Variants in PKNOX2 observed in about 807,000 individuals in gnomAD.
The protein encoded by PKNOX2 is PBX/knotted 1 homeobox 2, also known as homeobox protein PKNOX2.
In PKNOX2, 14 loss-of-function variants were observed where a neutral mutation model predicts 53.1. That is an observed-to-expected ratio of 0.26 (90% CI 0.17 to 0.41). The LOEUF (loss-of-function observed/expected upper bound fraction) is 0.41, where lower values mean the gene tolerates loss of function less well. Among genes scored for constraint, PKNOX2 ranks in the 10% least tolerant of loss-of-function variants. The pLI, the probability that PKNOX2 is intolerant of heterozygous loss-of-function variation, is 1.00. For synonymous variants in PKNOX2, 257 were observed against 242.8 expected (o/e 1.06, Z -0.54); for missense variants, 496 against 602.8 (o/e 0.82, Z 1.85).
chr11:125,233,666 C>T (rs1942423606), intron 1 of PKNOX2, among the ~76,000 whole-genome samples: 1 of 152,184 alleles, frequency 6.6e-6, no homozygotes, highest in Admixed American at 6.5e-5. Flanking sequence ...AAGGAGACAG[C>T]CCCTGAGGAA....
At chr11:125,175,866 A>G (rs562997729) in intron 1 of PKNOX2, among the ~76,000 whole-genome samples, 2 of 152,352 alleles carry the variant, frequency 1.3e-5, no homozygotes, top group African/African-American at 4.8e-5. Context: ...TACATGTTGT[A>G]TAAACATAAA....
rs1443467614 is a variant in PKNOX2 at position 125,370,589 on chromosome 11, G to C, written c.227+2604G>C. ...AAACGCGGCTGCCCCAGCACCTCAG[G>C]ACACCGAGCTGACAGCAGCACCATG... On this transcript the variant is annotated intron_variant, in intron 5 of 12. Transcript: ENST00000298282. The surrounding 1 kb of genome is among the most constrained non-coding windows in gnomAD (Gnocchi z 4.1). 1.3e-5 allele frequency among the ~76,000 whole-genome samples: 2 copies of C among 152,186 alleles called. No homozygotes were observed. The highest frequency in any genetic ancestry group is 4.8e-5 in the African/African-American group (2 of 41,440).
At position 125,369,660 on chromosome 11, in the gene PKNOX2, A is replaced by G. The variant is rs115774224; in HGVS notation, c.227+1675A>G. ...TAAAGGTTGAGTAACAGACCCCACT[A>G]GGTGGAGAAATGGGGTAGGAGAGGA... On this transcript the variant is annotated intron_variant, in intron 5 of 12. Transcript: ENST00000298282. Among the ~76,000 whole-genome samples the G allele has an allele frequency of 8.0e-3, 1,212 of 152,278 alleles. 13 individuals carry two copies. The highest frequency in any genetic ancestry group is 0.028 in the African/African-American group (1,163 of 41,566).
intron 1 of PKNOX2, among the ~76,000 whole-genome samples, chr11:125,186,511 G>A (rs887308795): frequency 6.6e-6 from 1 of 152,110 alleles, no homozygotes; most frequent in Non-Finnish European, 1.5e-5. Flanking sequence ...AATTAGCTGG[G>A]CACAGTGGCA....
intron 1 of PKNOX2, among the ~76,000 whole-genome samples, chr11:125,196,625 T>G (rs1286486334): frequency 2.0e-5 from 3 of 152,218 alleles, no homozygotes; most frequent in Non-Finnish European, 4.4e-5. Flanking sequence ...AAGCCAAACC[T>G]GGGTCAAACC....
At chr11:125,238,288 T>C (rs1177216780) in intron 2 of PKNOX2, among the ~76,000 whole-genome samples, 1 of 152,146 alleles carries the variant, frequency 6.6e-6, no homozygotes, top group Non-Finnish European at 1.5e-5. Context: ...TGAGTGGACT[T>C]GGTCTTGATA....
In PKNOX2 at chr11:125,166,002, G is replaced by A. The variant is rs1370287219; in HGVS notation, c.-201+1226G>A. Among the ~76,000 whole-genome samples the A allele has an allele frequency of 2.0e-5, 3 of 152,140 alleles. No homozygotes were observed. Among genetic ancestry groups the A allele is most frequent in the Non-Finnish European group, 4.4e-5 (3 of 68,024 alleles). On this transcript the variant is annotated intron_variant, in intron 1 of 12. Coordinates refer to ENST00000298282, the MANE Select transcript of PKNOX2 (RefSeq NM_001382323.2). The surrounding 1 kb of genome is among the most constrained non-coding windows in gnomAD (Gnocchi z 4.0). ...GGGTTTCCGCGCGGTGGGGAGACTCGGGTTGGGAATTGAGGGGTAGGGGCT... is the reference window on the plus strand; with the variant it reads ...GGGTTTCCGCGCGGTGGGGAGACTCAGGTTGGGAATTGAGGGGTAGGGGCT...
At chr11:125,203,524 G>A (rs1187220112) in intron 1 of PKNOX2, among the ~76,000 whole-genome samples, 2 of 152,186 alleles carry the variant, frequency 1.3e-5, no homozygotes, top group African/African-American at 4.8e-5. Context: ...CCAGGCAATG[G>A]GCAGAGCTGT....
intron 1 of PKNOX2, among the ~76,000 whole-genome samples, chr11:125,232,603 C>T (rs905802656): frequency 7.9e-5 from 12 of 152,364 alleles, no homozygotes; most frequent in African/African-American, 2.9e-4. Flanking sequence ...CATCTTCTCT[C>T]TCCTCTCTTT....
At chr11:125,359,169 G>T (rs1376285198) in intron 4 of PKNOX2, among the ~76,000 whole-genome samples, 2 of 139,074 alleles carry the variant, frequency 1.4e-5, no homozygotes, top group Non-Finnish European at 3.1e-5. Context: ...GTGCGCTCAG[G>T]CAACCAAGGG....
chr11:125,284,278 C>T (rs1156488150), intron 2 of PKNOX2, among the ~76,000 whole-genome samples: 1 of 152,208 alleles, frequency 6.6e-6, no homozygotes, highest in Non-Finnish European at 1.5e-5. Context: ...CCCACTAGGG[C>T]AGTAGGAGGG....
intron 2 of PKNOX2, among the ~76,000 whole-genome samples, chr11:125,308,891 A>C (rs1948625579): frequency 6.6e-6 from 1 of 152,198 alleles, no homozygotes; most frequent in Non-Finnish European, 1.5e-5. Flanking sequence ...CATCTTCTGC[A>C]TGGTAGTTCT....
At chr11:125,197,124 C>T (rs926007584) in intron 1 of PKNOX2, among the ~76,000 whole-genome samples, 5 of 152,238 alleles carry the variant, frequency 3.3e-5, no homozygotes, top group Admixed American at 3.3e-4. Flanking sequence ...AGCCGGGACC[C>T]CTGCTTCTCT....
intron 2 of PKNOX2, among the ~76,000 whole-genome samples, chr11:125,297,375 T>C (rs537739948): frequency 4.3e-4 from 66 of 152,312 alleles, no homozygotes; most frequent in African/African-American, 1.5e-3. Flanking sequence ...GATCTACAAT[T>C]GAATAGAAAA....
rs1211121120 is a variant in PKNOX2, at chr11:125,165,031, C to T, written c.-201+255C>T. Among the ~76,000 whole-genome samples, 2 of 151,094 alleles carry T rather than the reference C, an allele frequency of 1.3e-5. No homozygotes were observed. The highest frequency in any genetic ancestry group is 2.0e-4 in the East Asian group (1 of 5,050). Reference sequence around the variant, plus strand: ...GACGGCGGGAGCGTGCAGAGAGAAGCTGGGGAAGCGCCGGGAGAGCGCGGA... The same window carrying T: ...GACGGCGGGAGCGTGCAGAGAGAAGTTGGGGAAGCGCCGGGAGAGCGCGGA... On this transcript the variant is annotated intron_variant, in intron 1 of 12. Coordinates refer to ENST00000298282, the MANE Select transcript of PKNOX2 (RefSeq NM_001382323.2). The surrounding 1 kb of genome is among the most constrained non-coding windows in gnomAD (Gnocchi z 4.5).
chr11:125,321,476 C>T (rs562667987), intron 2 of PKNOX2, among the ~76,000 whole-genome samples: 8 of 152,302 alleles, frequency 5.3e-5, no homozygotes, highest in South Asian at 2.1e-4. Context: ...AAATAGTTGT[C>T]CTACTGTATT....
chr11:125,177,515 A>T (rs1955790255), intron 1 of PKNOX2, among the ~76,000 whole-genome samples: 1 of 152,188 alleles, frequency 6.6e-6, no homozygotes, highest in South Asian at 2.1e-4. Flanking sequence ...GCAACTTCTT[A>T]ACCTGTCTGA....
intron 4 of PKNOX2, among the ~76,000 whole-genome samples, chr11:125,361,705 AC>A (rs1362377930): frequency 2.0e-5 from 3 of 152,112 alleles, no homozygotes; most frequent in Admixed American, 6.5e-5. Context: ...ATGCTATCCC[AC>A]CCCATCTTTT....
chr11:125,180,881 G>A (rs1439737858), intron 1 of PKNOX2, among the ~76,000 whole-genome samples: 1 of 152,194 alleles, frequency 6.6e-6, no homozygotes, highest in Non-Finnish European at 1.5e-5. Flanking sequence ...AATGTTTTCT[G>A]TCAAGGTCAA....
Sources: gnomAD v4.1 joint callset for allele counts (sites outside exome capture counted in the v4.1 genomes callset) on GRCh38, gnomAD v4.1.1 for gene constraint, Gnocchi (gnomAD v3.1) non-coding constraint, MANE v1.5 for transcripts, NCBI Gene and HGNC (gene_info 2026-07-23, HGNC 2026-07-21) for gene names.